The following FGD3 variants were observed in gnomAD, a reference collection of about 807,000 sequenced individuals.
The protein encoded by FGD3 is FYVE, RhoGEF and PH domain-containing protein 3.
In FGD3, 45 loss-of-function variants were observed where a neutral mutation model predicts 71.8. That is an observed-to-expected ratio of 0.63 (90% CI 0.49 to 0.80). The LOEUF (loss-of-function observed/expected upper bound fraction) is 0.80, where lower values mean the gene tolerates loss of function less well. Among genes scored for constraint, FGD3 ranks in the 30% least tolerant of loss-of-function variants. The probability of loss-of-function intolerance (pLI) is 0.00; values close to 1 mark genes in which losing one functional copy is unlikely to be tolerated. For synonymous variants in FGD3, 378 were observed against 392.8 expected, an observed-to-expected ratio of 0.96 and a Z score of 0.44; for missense variants, 844 against 951.5, an observed-to-expected ratio of 0.89 and a Z score of 1.49.
At position 92,972,439 on chromosome 9, in the gene FGD3, C is replaced by T. The variant is rs1384299299; in HGVS notation, c.-217-2799C>T. Among the ~76,000 whole-genome samples, 5 of 131,424 alleles carry T rather than the reference C, an allele frequency of 3.8e-5. No homozygotes were observed. In the East Asian group the frequency reaches 1.1e-3, roughly 28 times the overall value. 86.2% of individuals were successfully genotyped at this position (131,424 alleles called of 152,430 possible). On this transcript the variant is annotated intron_variant, in intron 1 of 17. Transcript: ENST00000375482. ...CTGAACTCCAGTCTGTGTGACAGAG[C>T]GAGACTCCATCTCAAAAAAAAAAAA...
intron 14 of FGD3, among the ~76,000 whole-genome samples, chr9:93,025,042 A>G (rs1862068449): frequency 6.6e-6 from 1 of 152,178 alleles, no homozygotes; most frequent in African/African-American, 2.4e-5. Flanking sequence ...CGAGAAGGTA[A>G]TTGGGGCTCA....
At chr9:92,966,785 G>A (rs72741045) in intron 1 of FGD3, among the ~76,000 whole-genome samples, 4,616 of 152,360 alleles carry the variant, frequency 0.03, 119 homozygotes, top group Non-Finnish European at 0.044. Flanking sequence ...GCTGGGCAGG[G>A]AGGTTGACAA....
At chr9:93,004,866 C>T (rs1860993940) in intron 5 of FGD3, among the ~76,000 whole-genome samples, 2 of 152,304 alleles carry the variant, frequency 1.3e-5, no homozygotes, top group South Asian at 4.1e-4. Flanking sequence ...GGAGTCCCTT[C>T]ACCTGTTGCT....
At chr9:92,950,036 C>CTTTTTT (rs35087926) in intron 1 of FGD3, among the ~76,000 whole-genome samples, 1 of 146,766 alleles carries the variant, frequency 6.8e-6, no homozygotes, top group Non-Finnish European at 1.5e-5. Flanking sequence ...TTTCCTTCCT[C>CTTTTTT]TTTTTTTTTT....
intron 6 of FGD3, among the ~76,000 whole-genome samples, chr9:93,007,078 A>T (rs1290620895): frequency 7.0e-6 from 1 of 143,060 alleles, no homozygotes; most frequent in East Asian, 2.1e-4. Context: ...TTTATTTTTT[A>T]TTTTTATTCA....
rs2118543943 is a variant in FGD3, at chr9:92,969,199, C to G, written c.-217-6039C>G. Among the ~76,000 whole-genome samples, 1 of 152,376 alleles carries G rather than the reference C, an allele frequency of 6.6e-6. No homozygotes were observed. ...GGCCACCCGGGTGCAGCGGGCGGCT[C>G]TTGCCCACAGGGCTGGGACCCATTG... is the stretch of plus-strand genomic sequence containing the variant. On this transcript the variant is annotated intron_variant, in intron 1 of 17. Coordinates refer to ENST00000375482, the MANE Select transcript of FGD3 (RefSeq NM_001083536.2). This position sits in a 1 kb window ranked among gnomAD's most constrained non-coding sequence, Gnocchi z 4.5.
intron 1 of FGD3, among the ~76,000 whole-genome samples, chr9:92,974,092 T>C (rs977649308): frequency 3.3e-5 from 5 of 151,436 alleles, no homozygotes; most frequent in Non-Finnish European, 4.4e-5. Context: ...TTCGTAGGTT[T>C]TGTCCATTTT....
chr9:93,028,197 GACACACACACACACACACACGCACAC>G (rs1305892673), intron 14 of FGD3, among the ~76,000 whole-genome samples: 10 of 147,324 alleles, frequency 6.8e-5, no homozygotes, highest in South Asian at 4.3e-4. Flanking sequence ...CCCTAGCCCC[GACACACACACACACACACACGCACAC>G]ACACACACAC....
chr9:93,010,787 C>A (rs912267417), intron 7 of FGD3, among the ~76,000 whole-genome samples: 4 of 152,018 alleles, frequency 2.6e-5, no homozygotes, highest in Non-Finnish European at 5.9e-5. Flanking sequence ...GACTTAGCAT[C>A]TTTGAGGGCA....
chr9:93,021,645 G>T (rs72741057), intron 13 of FGD3, among the ~76,000 whole-genome samples: 10,640 of 152,116 alleles, frequency 0.07, 610 homozygotes, highest in African/African-American at 0.15. Context: ...AACTCTCGCC[G>T]CCTGACCCAG....
chr9:93,030,056 G>T (rs1862297980), intron 15 of FGD3, 60 bp downstream of exon 15: 3 of 1,581,220 alleles, frequency 1.9e-6, no homozygotes, highest in South Asian at 1.1e-5. Flanking sequence ...CTCTGACAGA[G>T]CAGCTGAGTC....
At chr9:92,965,308 G>A (rs544354461) in intron 1 of FGD3, among the ~76,000 whole-genome samples, 7 of 152,350 alleles carry the variant, frequency 4.6e-5, no homozygotes, top group East Asian at 1.9e-4. Flanking sequence ...CACCCAGGGC[G>A]GATGCTGGTC....
At chr9:92,987,617 C>A (rs775882496) in intron 3 of FGD3, among the ~76,000 whole-genome samples, 7 of 152,076 alleles carry the variant, frequency 4.6e-5, no homozygotes, top group Non-Finnish European at 7.4e-5. Context: ...TCATGTGCTC[C>A]GTTTATCCTT....
intron 1 of FGD3, among the ~76,000 whole-genome samples, chr9:92,960,243 C>T (rs1442174373): frequency 6.6e-6 from 1 of 151,756 alleles, no homozygotes; most frequent in Non-Finnish European, 1.5e-5. Flanking sequence ...CCAAAATGCC[C>T]ATATCCTCAT....
At position 93,035,779 on chromosome 9, in the gene FGD3, C is replaced by A; in HGVS notation, c.*190C>A. 1 of 881,048 alleles carries A rather than the reference C, an allele frequency of 1.1e-6. No homozygotes were observed. The highest frequency in any genetic ancestry group is 2.2e-5 in the South Asian group (1 of 45,606). The allele number at this position is 881,048 out of a possible 1,614,324, so 54.6% of individuals were successfully genotyped here. On this transcript the variant is annotated 3_prime_UTR_variant, in exon 18 of 18. Coordinates refer to ENST00000375482, the MANE Select transcript of FGD3 (RefSeq NM_001083536.2). ...GGGCAACCACTGGCCAAGGGTCACC[C>A]AGCAAGTTTTGGCTAAGAGCCTGGC... is the stretch of plus-strand genomic sequence containing the variant.
At chr9:93,033,868 A>C (rs1484128779) in intron 16 of FGD3, 1 of 152,296 alleles carries the variant, frequency 6.6e-6, no homozygotes, top group Non-Finnish European at 1.5e-5. Context: ...TCAAGGATGT[A>C]AGTCTATTAG....
chr9:92,996,025 T>C (rs544005576), intron 3 of FGD3, among the ~76,000 whole-genome samples: 1 of 152,322 alleles, frequency 6.6e-6, no homozygotes, highest in East Asian at 1.9e-4. Flanking sequence ...TCTTTTTCTA[T>C]TGATTGGAAT....
chr9:93,027,241 C>T (rs1862148596), intron 14 of FGD3, among the ~76,000 whole-genome samples: 1 of 152,322 alleles, frequency 6.6e-6, no homozygotes. Flanking sequence ...GAACGGGGAC[C>T]ACAAACCAGG....
chr9:93,027,910 G>C (rs1862181792), intron 14 of FGD3, among the ~76,000 whole-genome samples: 1 of 151,224 alleles, frequency 6.6e-6, no homozygotes, highest in Admixed American at 6.6e-5. Flanking sequence ...GTTGAGACGG[G>C]GTCTCACTAT....
Sources: allele counts gnomAD v4.1 joint callset (sites outside exome capture counted in the v4.1 genomes callset), GRCh38; gene constraint gnomAD v4.1.1; non-coding constraint Gnocchi (gnomAD v3.1); transcripts MANE v1.5; gene names NCBI Gene and HGNC (gene_info 2026-07-23, HGNC 2026-07-21).